The following MYLK4 variants were observed in gnomAD, a reference collection of about 807,000 sequenced individuals.
MYLK4 encodes myosin light chain kinase family member 4, also known as caMLCK like.
A neutral mutation model predicts 48.1 loss-of-function variants in MYLK4; 46 were observed. The observed-to-expected ratio is 0.96, with a 90% confidence interval of 0.75 to 1.22. The LOEUF (loss-of-function observed/expected upper bound fraction) is 1.22, where lower values mean the gene tolerates loss of function less well. Ranked by LOEUF, MYLK4 falls within the 50% of genes most tolerant of loss-of-function variation. The pLI, the probability that MYLK4 is intolerant of heterozygous loss-of-function variation, is 0.00. For synonymous variants in MYLK4, 170 were observed against 180.8 expected (o/e 0.94, Z 0.48); for missense variants, 451 against 486.1 (o/e 0.93, Z 0.68).
intron 2 of MYLK4, among the ~76,000 whole-genome samples, chr6:2,720,827 T>C (rs933611891): frequency 1.1e-4 from 17 of 151,874 alleles, no homozygotes; most frequent in Non-Finnish European, 2.1e-4. Flanking sequence ...GACTAAGAGA[T>C]CTAACATCCA....
intron 2 of MYLK4, among the ~76,000 whole-genome samples, chr6:2,748,151 A>G (rs1282858453): frequency 2.6e-5 from 4 of 152,224 alleles, no homozygotes; most frequent in Admixed American, 2.0e-4. Flanking sequence ...AACCTGCCTG[A>G]TAAGAATCAC....
At chr6:2,747,694 A>G (rs1028681938) in intron 2 of MYLK4, among the ~76,000 whole-genome samples, 2 of 152,164 alleles carry the variant, frequency 1.3e-5, no homozygotes, top group Non-Finnish European at 2.9e-5. Flanking sequence ...TAAAAATTGT[A>G]TCATAGATTT....
At chr6:2,693,088 C>T (rs1407004933) in intron 2 of MYLK4, among the ~76,000 whole-genome samples, 6 of 152,070 alleles carry the variant, frequency 3.9e-5, no homozygotes, top group Non-Finnish European at 5.9e-5. Context: ...CAAAATCACC[C>T]GTCACCCCAG....
intron 2 of MYLK4, among the ~76,000 whole-genome samples, chr6:2,734,662 T>C (rs907623789): frequency 2.6e-5 from 4 of 152,092 alleles, no homozygotes; most frequent in African/African-American, 7.2e-5. Context: ...TACACATACA[T>C]GTATATATGT....
At chr6:2,765,517 C>T in the MYLK4 span, 683 of 1,281,746 alleles carry the variant, frequency 5.3e-4, 1 homozygote, top group Non-Finnish European at 6.2e-4. Flanking sequence ...GCTGGTTCCC[C>T]GAGCGAGGGT....
Position 2,685,887 on chromosome 6 carries a change from C to T in MYLK4, c.342-311G>A, listed in dbSNP as rs1761522323. ...ACCAGTCTGGCCAACATAGTGAAACCCCATCTCTGCTAAAAATACAAATAC... is the reference window on the plus strand; with the variant it reads ...ACCAGTCTGGCCAACATAGTGAAACTCCATCTCTGCTAAAAATACAAATAC... On this transcript the variant is annotated intron_variant, in intron 4 of 12. Coordinates refer to ENST00000274643, the MANE Select transcript of MYLK4 (RefSeq NM_001012418.5). This position sits in a 1 kb window ranked among gnomAD's most constrained non-coding sequence, Gnocchi z 4.5. Among the ~76,000 whole-genome samples, 1 of 151,922 alleles carries T rather than the reference C, an allele frequency of 6.6e-6. No individual in the cohort carries two copies. Among genetic ancestry groups the T allele is most frequent in the African/African-American group, 2.4e-5 (1 of 41,368 alleles).
At chr6:2,680,539 T>C (rs112914925) in intron 7 of MYLK4, 5 of 985,384 alleles carry the variant, frequency 5.1e-6, no homozygotes, top group African/African-American at 3.5e-5. Context: ...AATGCCTGAG[T>C]TCAGGCAGAG....
chr6:2,685,652 T>C lies in MYLK4; in HGVS notation c.342-76A>G. On this transcript the variant is annotated intron_variant, in intron 4 of 12. Coordinates refer to ENST00000274643, the MANE Select transcript of MYLK4 (RefSeq NM_001012418.5). This position sits in a 1 kb window ranked among gnomAD's most constrained non-coding sequence, Gnocchi z 4.5. ...AGTGGACAGCGCACAGTGGCCCCAG[T>C]ATTTCTCCTGCTGAGTCTGGATGAG... 7.4e-7 allele frequency: 1 copy of C among 1,342,812 alleles called. No homozygotes were observed. Among genetic ancestry groups the C allele is most frequent in the Non-Finnish European group, 1.1e-6 (1 of 942,048 alleles). 83.2% of individuals were successfully genotyped at this position (1,342,812 alleles called of 1,614,324 possible).
chr6:2,698,388 G>A (rs1168969287), intron 2 of MYLK4, among the ~76,000 whole-genome samples: 2 of 152,158 alleles, frequency 1.3e-5, no homozygotes, highest in Non-Finnish European at 2.9e-5. Flanking sequence ...AAGAAAACTC[G>A]GAAGTGTATT....
intron 2 of MYLK4, among the ~76,000 whole-genome samples, chr6:2,724,037 T>C (rs1353506887): frequency 6.6e-6 from 1 of 151,856 alleles, no homozygotes; most frequent in Non-Finnish European, 1.5e-5. Context: ...CCACTACCAC[T>C]GGGATAATTT....
the MYLK4 span, among the ~76,000 whole-genome samples, chr6:2,759,387 A>G: frequency 1.3e-5 from 2 of 152,366 alleles, no homozygotes; most frequent in South Asian, 2.1e-4. Context: ...GATTACAGAC[A>G]TGAACCACTG....
At chr6:2,669,722 T>C (rs1332862359) in intron 12 of MYLK4, among the ~76,000 whole-genome samples, 2 of 152,128 alleles carry the variant, frequency 1.3e-5, no homozygotes, top group East Asian at 3.9e-4. Context: ...GGCACGAGGG[T>C]CCTTTCTTGC....
chr6:2,696,792 T>C (rs963552823), intron 2 of MYLK4, among the ~76,000 whole-genome samples: 2 of 152,258 alleles, frequency 1.3e-5, no homozygotes, highest in African/African-American at 4.8e-5. Context: ...CCAGGCGCAG[T>C]GGCTCACACC....
rs147055313 is a variant in MYLK4 at position 2,683,128 on chromosome 6, C to T, written c.580G>A (p.Asp194Asn). The change falls in exon 7 of 13, where the codon GAT (aspartate) becomes AAT (asparagine). Residue 194 changes from aspartate to asparagine, a missense_variant. Transcript: ENST00000274643. ...DGGELFDRIIDESYNLTELDT... is the reference protein window; with the variant it reads ...DGGELFDRIINESYNLTELDT... ...AGCTCCGTCAAATTGTAGCTCTCAT[C>T]GATGATGCGGTCAAACAGCTCCCCA... 45 of 1,613,934 alleles carry T rather than the reference C, an allele frequency of 2.8e-5. No homozygotes were observed. Among genetic ancestry groups the T allele is most frequent in the Non-Finnish European group, 3.6e-5 (43 of 1,180,016 alleles).
At chr6:2,765,601 G>T in the MYLK4 span, 10 of 1,491,390 alleles carry the variant, frequency 6.7e-6, no homozygotes, top group East Asian at 2.0e-4. Flanking sequence ...CGCGCCGGGC[G>T]CCGGGGAGGG....
Position 2,685,323 on chromosome 6 carries a change from T to C in MYLK4, c.518A>G (p.Lys173Arg). Residue 173 changes from lysine to arginine, a missense_variant, in exon 6 of 13, where the codon AAG (lysine) becomes AGG (arginine). Coordinates refer to ENST00000274643, the MANE Select transcript of MYLK4 (RefSeq NM_001012418.5). This position sits in a 1 kb window ranked among gnomAD's most constrained non-coding sequence, Gnocchi z 4.5. ...LIQLYDAFES[K>R]NDIVLVMEYV... ...CTCCATGACCAGGACAATGTCGTTC[T>C]TAGACTCGAAGGCATCGTACAGCTG... The C allele has an allele frequency of 6.2e-7, 1 of 1,613,420 alleles. No individual in the cohort carries two copies. The highest frequency in any genetic ancestry group is 1.1e-5 in the South Asian group (1 of 91,066).
At chr6:2,669,005 C>G (rs1352295871) in intron 12 of MYLK4, among the ~76,000 whole-genome samples, 1 of 151,964 alleles carries the variant, frequency 6.6e-6, no homozygotes, top group East Asian at 1.9e-4. Context: ...GAGTTTGAGG[C>G]TGCAGTGAGC....
At chr6:2,710,745 C>T (rs1326127689) in intron 2 of MYLK4, among the ~76,000 whole-genome samples, 1 of 152,184 alleles carries the variant, frequency 6.6e-6, no homozygotes. Context: ...AGAAACAAGA[C>T]CTAGACCAAA....
chr6:2,704,357 C>A (rs1286689986), intron 2 of MYLK4, among the ~76,000 whole-genome samples: 1 of 152,214 alleles, frequency 6.6e-6, no homozygotes, highest in African/African-American at 2.4e-5. Flanking sequence ...ATCTGTTGTC[C>A]TGGACCTCTG....
Sources: gnomAD v4.1 joint callset for allele counts (sites outside exome capture counted in the v4.1 genomes callset) on GRCh38, gnomAD v4.1.1 for gene constraint, Gnocchi (gnomAD v3.1) non-coding constraint, MANE v1.5 for transcripts, NCBI Gene and HGNC (gene_info 2026-07-23, HGNC 2026-07-21) for gene names.